NKAIN2: variants seen among roughly 807,000 people sequenced by gnomAD.
NKAIN2 encodes the protein sodium/potassium-transporting ATPase subunit beta-1-interacting protein 2.
NKAIN2 carries 14 observed loss-of-function variants against 32.6 expected under a neutral mutation model. The observed-to-expected ratio is 0.43, with a 90% CI of 0.28 to 0.67. NKAIN2 has a LOEUF of 0.67. Ranked by LOEUF, NKAIN2 falls within the 30% of genes least tolerant of loss-of-function variation. The pLI, the probability that NKAIN2 is intolerant of heterozygous loss-of-function variation, is 0.17. For synonymous variants in NKAIN2, 80 were observed against 87.2 expected, an observed-to-expected ratio of 0.92 and a Z score of 0.46; for missense variants, 198 against 258.3, an observed-to-expected ratio of 0.77 and a Z score of 1.60.
At chr6:124,400,358 G>A (rs563265688) in intron 3 of NKAIN2, among the ~76,000 whole-genome samples, 10 of 152,024 alleles carry the variant, frequency 6.6e-5, no homozygotes, top group East Asian at 5.8e-4. Flanking sequence ...AGAAAACCAC[G>A]TTTTTCATAG....
At chr6:123,816,950 TAA>T (rs1773718725) in intron 1 of NKAIN2, among the ~76,000 whole-genome samples, 1 of 152,096 alleles carries the variant, frequency 6.6e-6, no homozygotes. Context: ...TTGGTTTTAT[TAA>T]AGATGCTTGG....
At chr6:124,769,002 G>A (rs934767697) in intron 4 of NKAIN2, among the ~76,000 whole-genome samples, 20 of 152,114 alleles carry the variant, frequency 1.3e-4, no homozygotes, top group Admixed American at 1.3e-3. Flanking sequence ...TTCCTCTCAT[G>A]CAGAATGAAC....
rs188519855 is a variant in NKAIN2 at position 124,202,935 on chromosome 6, G to T, written c.55-80070G>T. 2.9e-3 allele frequency among the ~76,000 whole-genome samples: 444 copies of T among 151,972 alleles called. 2 individuals are homozygous for T. Among genetic ancestry groups the T allele is most frequent in the Non-Finnish European group, 4.8e-3 (329 of 67,872 alleles). Reference sequence around the variant, plus strand: ...AAGAGGCATAAAGTTGTAATATTGTGTACTCACTAATTTAGCACAACATTA... The same window carrying T: ...AAGAGGCATAAAGTTGTAATATTGTTTACTCACTAATTTAGCACAACATTA... On this transcript the variant is annotated intron_variant, in intron 1 of 6. Coordinates refer to ENST00000368417, the MANE Select transcript of NKAIN2 (RefSeq NM_001040214.3).
intron 1 of NKAIN2, among the ~76,000 whole-genome samples, chr6:124,044,775 A>C (rs1311007647): frequency 1.3e-5 from 2 of 152,092 alleles, no homozygotes; most frequent in African/African-American, 4.8e-5. Context: ...TTCTGAGTGC[A>C]GATCAGTTAT....
chr6:124,326,208 T>A (rs2115037727), intron 2 of NKAIN2, among the ~76,000 whole-genome samples: 1 of 152,004 alleles, frequency 6.6e-6, no homozygotes, highest in African/African-American at 2.4e-5. Context: ...AAGCTCTTTT[T>A]TTTTTCATTT....
intron 3 of NKAIN2, among the ~76,000 whole-genome samples, chr6:124,504,119 T>C (rs1339497121): frequency 6.6e-6 from 1 of 152,140 alleles, no homozygotes; most frequent in Non-Finnish European, 1.5e-5. Context: ...ATATATGAAT[T>C]CAAATATGTG....
chr6:124,144,169 T>C (rs183144656), intron 1 of NKAIN2, among the ~76,000 whole-genome samples: 15 of 152,352 alleles, frequency 9.8e-5, no homozygotes, highest in Non-Finnish European at 1.5e-4. Context: ...TGAAGTTTGG[T>C]AAGCTCTTCT....
intron 1 of NKAIN2, among the ~76,000 whole-genome samples, chr6:123,848,792 G>A (rs370181774): frequency 1.3e-5 from 2 of 152,130 alleles, no homozygotes; most frequent in African/African-American, 4.8e-5. Flanking sequence ...TGGGTCATTG[G>A]TGATATCTCT....
rs138062454 is a variant in NKAIN2 at position 124,655,930 on chromosome 6, A to G, written c.274-2256A>G. 9.1e-4 allele frequency among the ~76,000 whole-genome samples: 139 copies of G among 152,090 alleles called. 1 individual carries two copies. Among genetic ancestry groups the G allele is most frequent in the Middle Eastern group, 6.8e-3 (2 of 294 alleles). On this transcript the variant is annotated intron_variant, in intron 3 of 6. Coordinates refer to ENST00000368417, the MANE Select transcript of NKAIN2 (RefSeq NM_001040214.3). ...GGGAGGTTTACCGAGACCTTGAGCTATGGATATTAGATATCACCAGGGATT... is the reference window on the plus strand; with the variant it reads ...GGGAGGTTTACCGAGACCTTGAGCTGTGGATATTAGATATCACCAGGGATT...
intron 1 of NKAIN2, among the ~76,000 whole-genome samples, chr6:124,166,576 A>C (rs1392655496): frequency 6.0e-5 from 9 of 151,148 alleles, no homozygotes; most frequent in African/African-American, 2.2e-4. Context: ...GGTGTTTTAG[A>C]CATGAAGTCC....
intron 2 of NKAIN2, among the ~76,000 whole-genome samples, chr6:124,298,828 A>G (rs1233916828): frequency 1.3e-5 from 2 of 152,106 alleles, no homozygotes; most frequent in Non-Finnish European, 2.9e-5. Flanking sequence ...AAATGGTTTC[A>G]TGTAAGGGCT....
intron 5 of NKAIN2, among the ~76,000 whole-genome samples, chr6:124,812,733 CTTT>C (rs55927751): frequency 6.7e-6 from 1 of 149,676 alleles, no homozygotes; most frequent in African/African-American, 2.4e-5. Flanking sequence ...CCCTTTTGAC[CTTT>C]TTTTTTTCTT....
At chr6:124,435,645 C>G (rs551763934) in intron 3 of NKAIN2, among the ~76,000 whole-genome samples, 11 of 152,172 alleles carry the variant, frequency 7.2e-5, no homozygotes, top group African/African-American at 2.6e-4. Flanking sequence ...AGCTCGTGTT[C>G]GTATTAGGAG....
chr6:124,228,407 G>C (rs1015753271), intron 1 of NKAIN2, among the ~76,000 whole-genome samples: 7 of 152,116 alleles, frequency 4.6e-5, no homozygotes, highest in African/African-American at 1.7e-4. Flanking sequence ...CAGACTTTCA[G>C]CCTCTGGAAC....
At chr6:124,559,686 T>A (rs7743044) in intron 3 of NKAIN2, among the ~76,000 whole-genome samples, 82,290 of 151,828 alleles carry the variant, frequency 0.54, 22,636 homozygotes, top group South Asian at 0.61. Context: ...TAATGCTCTG[T>A]CACATTTTTT....
chr6:124,012,984 C>T (rs762777971), intron 1 of NKAIN2, among the ~76,000 whole-genome samples: 12 of 152,226 alleles, frequency 7.9e-5, no homozygotes, highest in South Asian at 2.1e-4. Flanking sequence ...CCTACCTCCC[C>T]GCCAACATTT....
chr6:124,342,720 T>A (rs1312789058), intron 2 of NKAIN2, among the ~76,000 whole-genome samples: 2 of 151,712 alleles, frequency 1.3e-5, no homozygotes, highest in African/African-American at 4.8e-5. Flanking sequence ...TATTCTAGGC[T>A]GGTCTTGAAC....
chr6:124,023,535 C>T (rs1289258252), intron 1 of NKAIN2, among the ~76,000 whole-genome samples: 1 of 152,092 alleles, frequency 6.6e-6, no homozygotes, highest in East Asian at 1.9e-4. Context: ...TTTATGTCAA[C>T]ATCTATGCCT....
At chr6:124,521,712 C>T (rs1220459627) in intron 3 of NKAIN2, among the ~76,000 whole-genome samples, 1 of 152,098 alleles carries the variant, frequency 6.6e-6, no homozygotes. Flanking sequence ...ACTCTTATAA[C>T]CCTGAAATCA....
Sources: allele counts gnomAD v4.1 joint callset (sites outside exome capture counted in the v4.1 genomes callset), GRCh38; gene constraint gnomAD v4.1.1; transcripts MANE v1.5; gene names NCBI Gene and HGNC (gene_info 2026-07-23, HGNC 2026-07-21).